DEDD2: variants seen among roughly 807,000 people sequenced by gnomAD.
DEDD2 encodes DNA-binding death effector domain-containing protein 2.
Under a neutral mutation model 28.9 loss-of-function variants are expected in DEDD2, and 18 were observed. The ratio of observed to expected loss-of-function variants is 0.62; its 90% CI spans 0.43 to 0.92. DEDD2 has a LOEUF of 0.92. Ranked by LOEUF, DEDD2 falls within the 40% of genes least tolerant of loss-of-function variation. The pLI is 0.00. For synonymous variants in DEDD2, 211 were observed against 206.1 expected, an observed-to-expected ratio of 1.02 and a Z score of -0.20; for missense variants, 411 against 463.3, an observed-to-expected ratio of 0.89 and a Z score of 1.04.
intron 4 of DEDD2, among the ~76,000 whole-genome samples, chr19:42,203,190 C>G (rs1467507238): frequency 6.6e-6 from 1 of 152,200 alleles, no homozygotes; most frequent in Non-Finnish European, 1.5e-5. Flanking sequence ...CTACCCCTAT[C>G]CTGTTGGCTA....
intron 1 of DEDD2, 26 bp from the exon 2 acceptor site, chr19:42,217,071 G>A (rs1036415202): frequency 2.0e-6 from 3 of 1,484,572 alleles, no homozygotes; most frequent in African/African-American, 2.8e-5. Context: ...CGGGGAGGGG[G>A]CAGTGGTCAG....
chr19:42,205,594 T>C (rs1005088204), intron 4 of DEDD2, among the ~76,000 whole-genome samples: 6 of 151,632 alleles, frequency 4.0e-5, no homozygotes, highest in African/African-American at 1.5e-4. Flanking sequence ...GTCATTGCAC[T>C]CCAGCCTGGG....
Position 42,199,804 on chromosome 19 carries a change from C to T in DEDD2, c.615G>A (p.Glu205=). The T allele has an allele frequency of 6.2e-7, 1 of 1,600,460 alleles. No homozygotes were observed. The highest frequency in any genetic ancestry group is 8.5e-7 in the Non-Finnish European group (1 of 1,173,332). ...TCDIRLRVRA[E]YCEHGPALEQ... is the part of the protein sequence containing the mutation. ...CCAAGGCTGGCCCATGCTCGCAGTA[C>T]TCTGCTCGAACCCGGAGCCGGATGT... Residue 205 remains glutamate (E), a synonymous_variant, in exon 5 of 5, where the codon GAG becomes GAA. Transcript: ENST00000596251. The surrounding 1 kb of genome is among the most constrained non-coding windows in gnomAD (Gnocchi z 7.4).
At chr19:42,204,995 C>T (rs547381603) in intron 4 of DEDD2, among the ~76,000 whole-genome samples, 7 of 152,318 alleles carry the variant, frequency 4.6e-5, no homozygotes, top group South Asian at 4.1e-4. Flanking sequence ...CTGATGGAGG[C>T]GCACAACACA....
chr19:42,207,810 C>T lies in DEDD2; in HGVS notation c.589+1890G>A, dbSNP rs548460009. Among the ~76,000 whole-genome samples, 388 of 151,920 alleles carry T rather than the reference C, an allele frequency of 2.6e-3. 2 individuals are homozygous for T. Among genetic ancestry groups the T allele is most frequent in the Non-Finnish European group, 4.4e-3 (298 of 67,928 alleles). The stretch of plus-strand genomic sequence containing the variant: ...CTAGAATAAAATCCAAACCAAGGCC[C>T]CCCACCTGCCTCATCTCCCCCTGCT... On this transcript the variant is annotated intron_variant, in intron 4 of 4. Coordinates refer to ENST00000596251, the MANE Select transcript of DEDD2 (RefSeq NM_133328.4).
intron 1 of DEDD2, among the ~76,000 whole-genome samples, chr19:42,217,273 G>A (rs1050535196): frequency 6.6e-6 from 1 of 152,036 alleles, no homozygotes; most frequent in Non-Finnish European, 1.5e-5. Flanking sequence ...ACCGTGCTAC[G>A]TTCGGAGCTC....
At chr19:42,218,121 T>C (rs1169107319), upstream of DEDD2, among the ~76,000 whole-genome samples, 1 of 152,048 alleles carries the variant, frequency 6.6e-6, no homozygotes, top group Non-Finnish European at 1.5e-5. Context: ...TCCCAGGCCT[T>C]ATATGATCTG....
chr19:42,203,120 A>T (rs2035396263), intron 4 of DEDD2, among the ~76,000 whole-genome samples: 1 of 152,224 alleles, frequency 6.6e-6, no homozygotes, highest in South Asian at 2.1e-4. Context: ...GCCACCAGAT[A>T]GGAAATGGCA....
chr19:42,218,564 C>T (rs1051544165), upstream of DEDD2, among the ~76,000 whole-genome samples: 2 of 152,098 alleles, frequency 1.3e-5, no homozygotes, highest in African/African-American at 4.8e-5. Context: ...TTGGGTGTGA[C>T]GGTCGCCACG....
upstream of DEDD2, among the ~76,000 whole-genome samples, chr19:42,219,286 A>G (rs1352312132): frequency 6.8e-6 from 1 of 148,074 alleles, no homozygotes; most frequent in Non-Finnish European, 1.5e-5. Flanking sequence ...TCCGGGCAAC[A>G]ATAGCAAAAC....
intron 2 of DEDD2, 96 bp from the exon 3 acceptor site, chr19:42,215,348 C>T (rs2035925867): frequency 6.6e-7 from 1 of 1,512,622 alleles, no homozygotes; most frequent in African/African-American, 1.4e-5. Context: ...CTAAGTTCCC[C>T]AGTAGTCAGA....
chr19:42,206,101 A>T (rs547448473), intron 4 of DEDD2, among the ~76,000 whole-genome samples: 2 of 151,924 alleles, frequency 1.3e-5, no homozygotes, highest in South Asian at 4.2e-4. Flanking sequence ...AAAAAAAAAA[A>T]AATTGCAGGG....
chr19:42,218,750 C>G (rs1012094585), upstream of DEDD2, among the ~76,000 whole-genome samples: 1 of 152,220 alleles, frequency 6.6e-6, no homozygotes, highest in Non-Finnish European at 1.5e-5. Flanking sequence ...TCAAAAGAAT[C>G]GGCTGCGCGC....
At chr19:42,212,385 G>A (rs1225385332) in intron 3 of DEDD2, among the ~76,000 whole-genome samples, 1 of 151,824 alleles carries the variant, frequency 6.6e-6, no homozygotes, top group Non-Finnish European at 1.5e-5. Flanking sequence ...TATTTGTGAT[G>A]TTTTTGTTTC....
intron 3 of DEDD2, among the ~76,000 whole-genome samples, chr19:42,212,424 T>C (rs2035806945): frequency 6.6e-6 from 1 of 151,104 alleles, no homozygotes; most frequent in South Asian, 2.1e-4. Flanking sequence ...CTCGTTCTGT[T>C]GCCCGGGCTG....
At chr19:42,202,244 ATC>A (rs918099302) in intron 4 of DEDD2, among the ~76,000 whole-genome samples, 3 of 151,918 alleles carry the variant, frequency 2.0e-5, no homozygotes, top group Non-Finnish European at 2.9e-5. Context: ...CCAGGCCTTC[ATC>A]TCTCTCTCAC....
chr19:42,209,680 C>T lies in DEDD2; in HGVS notation c.589+20G>A, dbSNP rs1047958359. On this transcript the variant is annotated intron_variant, in intron 4 of 4. Transcript: ENST00000596251. ...ACCCGGGGCACTCTACATGCATTGC[C>T]AAAGCCTACAGACACCTACCACAGG... The T allele has an allele frequency of 6.2e-7, 1 of 1,601,492 alleles. No individual in the cohort carries two copies. Among genetic ancestry groups the T allele is most frequent in the Non-Finnish European group, 8.5e-7 (1 of 1,174,624 alleles).
rs1197887651 is a variant in DEDD2 at position 42,199,177 on chromosome 19, T to C, written c.*261A>G. ...GTAGCTGTGCCCCTCCCTTCTGAGA[T>C]ACAGGCCCAGCCCCCGCCTCCGGAG... On this transcript the variant is annotated 3_prime_UTR_variant, in exon 5 of 5. Transcript: ENST00000596251. This position sits in a 1 kb window ranked among gnomAD's most constrained non-coding sequence, Gnocchi z 7.4. 6 of 538,446 alleles carry C rather than the reference T, an allele frequency of 1.1e-5. No homozygotes were observed. Among genetic ancestry groups the C allele is most frequent in the Admixed American group, 1.1e-4 (3 of 28,342 alleles). 33.4% of individuals were successfully genotyped at this position (538,446 alleles called of 1,614,324 possible). A position where few individuals can be genotyped will look rare whatever the true frequency, so the allele number is the denominator to read the frequency against.
In DEDD2 at chr19:42,199,344, TAG is replaced by T; in HGVS notation, c.*92_*93del. The T allele has an allele frequency of 7.0e-7, 1 of 1,435,514 alleles. No homozygotes were observed. The highest frequency in any genetic ancestry group is 9.1e-7 in the Non-Finnish European group (1 of 1,097,074). 88.9% of individuals were successfully genotyped at this position (1,435,514 alleles called of 1,614,324 possible). On this transcript the variant is annotated 3_prime_UTR_variant, in exon 5 of 5. Coordinates refer to ENST00000596251, the MANE Select transcript of DEDD2 (RefSeq NM_133328.4). This position sits in a 1 kb window ranked among gnomAD's most constrained non-coding sequence, Gnocchi z 7.4. Reference sequence around the variant, plus strand: ...GTCCTGTCGCAGTCCTCAAAGATGCTAGAGTGACAGTCCTCTAGGGGTAGAGA... The same window carrying T: ...GTCCTGTCGCAGTCCTCAAAGATGCTAGTGACAGTCCTCTAGGGGTAGAGA...
Sources: allele counts gnomAD v4.1 joint callset (sites outside exome capture counted in the v4.1 genomes callset), GRCh38; gene constraint gnomAD v4.1.1; non-coding constraint Gnocchi (gnomAD v3.1); transcripts MANE v1.5; gene names NCBI Gene and HGNC (gene_info 2026-07-23, HGNC 2026-07-21).